LY75: variants seen among roughly 807,000 people sequenced by gnomAD.
The protein encoded by LY75 is lymphocyte antigen 75.
A neutral mutation model predicts 231.7 loss-of-function variants in LY75; 185 were observed. The ratio of observed to expected loss-of-function variants is 0.80; its 90% CI spans 0.71 to 0.90. The LOEUF (loss-of-function observed/expected upper bound fraction) is 0.90. LY75 is among the 40% of genes least tolerant of loss of function. LY75 has a pLI of 0.00. For synonymous variants in LY75, 668 were observed against 689.0 expected (o/e 0.97, Z 0.48); for missense variants, 1,947 against 2,050.2 (o/e 0.95, Z 0.97).
At chr2:159,815,298 G>A (rs1004258633) in intron 31 of LY75, 107 bp downstream of exon 31, 3 of 1,395,848 alleles carry the variant, frequency 2.1e-6, no homozygotes, top group African/African-American at 1.5e-5. Context: ...ACTGCGCCCG[G>A]CCCTTGTGAA....
At chr2:159,897,649 A>G (rs1312256831) in intron 2 of LY75, among the ~76,000 whole-genome samples, 3 of 152,210 alleles carry the variant, frequency 2.0e-5, no homozygotes, top group South Asian at 4.1e-4. Flanking sequence ...TTTAGCTTAA[A>G]TGATCTTTAA....
intron 28 of LY75, among the ~76,000 whole-genome samples, chr2:159,822,589 C>T (rs1045866250): frequency 3.9e-5 from 6 of 152,196 alleles, no homozygotes; most frequent in Admixed American, 2.6e-4. Context: ...AAGAGAGCAG[C>T]GGACCTCCCA....
At chr2:159,805,457 T>C (rs1003067867) in intron 34 of LY75, among the ~76,000 whole-genome samples, 6 of 152,220 alleles carry the variant, frequency 3.9e-5, no homozygotes, top group Non-Finnish European at 7.3e-5. Context: ...ATCCTCTTCA[T>C]TGTGATAGGA....
intron 30 of LY75, among the ~76,000 whole-genome samples, chr2:159,816,389 A>G (rs2125831217): frequency 6.6e-6 from 1 of 152,346 alleles, no homozygotes; most frequent in African/African-American, 2.4e-5. Context: ...TTAAAATCTC[A>G]GTGAAATTAT....
chr2:159,860,057 G>A (rs1247631469), intron 15 of LY75, among the ~76,000 whole-genome samples: 1 of 152,142 alleles, frequency 6.6e-6, no homozygotes, highest in Non-Finnish European at 1.5e-5. Flanking sequence ...GAAGACAATG[G>A]CTATGCTTTG....
chr2:159,810,358 G>C (rs891397611), intron 32 of LY75, among the ~76,000 whole-genome samples, 168 bp downstream of exon 32: 5 of 152,162 alleles, frequency 3.3e-5, no homozygotes, highest in African/African-American at 1.2e-4. Context: ...TATGTCATCA[G>C]ATACTTAACC....
chr2:159,881,071 G>A lies in LY75; in HGVS notation c.1404+12C>T. 6.2e-6 allele frequency: 10 copies of A among 1,610,044 alleles called. No homozygotes were observed. Among genetic ancestry groups the A allele is most frequent in the Non-Finnish European group, 7.6e-6 (9 of 1,178,736 alleles). Reference sequence around the variant, plus strand: ...CAGGAAGAATATAAAGAAACCACAGGAGGTTTCGTACCTCTCCTAAGTAGG... The same window carrying A: ...CAGGAAGAATATAAAGAAACCACAGAAGGTTTCGTACCTCTCCTAAGTAGG... On this transcript the variant is annotated intron_variant, in intron 8 of 34. Transcript: ENST00000263636.
At chr2:159,874,833 TTGTAAATATA>T (rs1320600327) in intron 12 of LY75, among the ~76,000 whole-genome samples, 38 of 63,870 alleles carry the variant, frequency 5.9e-4, no homozygotes, top group Admixed American at 1.1e-3. Context: ...TATATATATT[TTGTAAATATA>T]TGTAAATATA....
chr2:159,887,566 CAAAAAAAAAA>C (rs369452762), intron 4 of LY75, among the ~76,000 whole-genome samples: 10 of 103,828 alleles, frequency 9.6e-5, no homozygotes, highest in Admixed American at 7.8e-4. Flanking sequence ...TCAACAACAA[CAAAAAAAAAA>C]AAAAAAAAGA....
At chr2:159,892,439 C>G (rs1415234421) in intron 3 of LY75, among the ~76,000 whole-genome samples, 1 of 152,134 alleles carries the variant, frequency 6.6e-6, no homozygotes, top group African/African-American at 2.4e-5. Flanking sequence ...CCTTGTGCCT[C>G]ACTGTGATCA....
chr2:159,902,429 T>C (rs1686108328), intron 1 of LY75: 1 of 152,252 alleles, frequency 6.6e-6, no homozygotes, highest in Non-Finnish European at 1.5e-5. Context: ...TCTCTTTCAG[T>C]GTTTTCTTAT....
intron 12 of LY75, among the ~76,000 whole-genome samples, chr2:159,872,934 C>T (rs2125868142): frequency 6.6e-6 from 1 of 152,222 alleles, no homozygotes; most frequent in South Asian, 2.1e-4. Context: ...CATATAAATG[C>T]TTTGGGAGTA....
chr2:159,874,623 T>TAAAG (rs1377713337), intron 12 of LY75, among the ~76,000 whole-genome samples: 7,318 of 44,468 alleles, frequency 0.16, 1,490 homozygotes, highest in East Asian at 0.38. Flanking sequence ...TAAATATATA[T>TAAAG]ATAGTAAATA....
At chr2:159,877,676 C>T (rs745719599) in intron 11 of LY75, among the ~76,000 whole-genome samples, 19 of 151,990 alleles carry the variant, frequency 1.3e-4, no homozygotes, top group Non-Finnish European at 2.5e-4. Context: ...TCGAGACCAG[C>T]CTGGCCAACA....
At chr2:159,874,966 T>C (rs867882857) in intron 12 of LY75, among the ~76,000 whole-genome samples, 68 of 138,626 alleles carry the variant, frequency 4.9e-4, no homozygotes, top group Admixed American at 6.0e-4. Context: ...AATATATTTA[T>C]AATATATATA....
At chr2:159,850,789 T>TATATATATATATATATATATATATATA (rs796940571) in intron 21 of LY75, among the ~76,000 whole-genome samples, 1 of 88,666 alleles carries the variant, frequency 1.1e-5, no homozygotes, top group East Asian at 2.4e-4. Context: ...TATATATATA[T>TATATATATATATATATATATATATATA]ATATATATAT....
chr2:159,853,329 A>G lies in LY75; in HGVS notation c.2687T>C (p.Phe896Ser). ...GCATTCCTCTCCAAATGTCACAGGA[A>G]AGCGGTGCCATGGATATCGTGAGCT... ...FTYSRYPWHR[F>S]PVTFGEECLY... Residue 896 changes from phenylalanine (F) to serine (S), a missense_variant, in exon 20 of 35, where the codon TTT becomes TCT. Transcript: ENST00000263636. 6.2e-7 allele frequency: 1 copy of G among 1,613,648 alleles called. No homozygotes were observed. Among genetic ancestry groups the G allele is most frequent in the East Asian group, 2.2e-5 (1 of 44,840 alleles).
rs151006730 is a variant in LY75 at position 159,872,608 on chromosome 2, A to G, written c.1975-15T>C. On this transcript the variant is annotated splice_polypyrimidine_tract_variant and intron_variant, in intron 12 of 34. Coordinates refer to ENST00000263636, the MANE Select transcript of LY75 (RefSeq NM_002349.4). ...GCATGGAATACCTTAGCAAAATATA[A>G]TATTAATTTGTTTTATGGTATTATC... The G allele has an allele frequency of 1.2e-6, 2 of 1,606,356 alleles. No homozygotes were observed. The highest frequency in any genetic ancestry group is 4.5e-5 in the East Asian group (2 of 44,832).
intron 12 of LY75, among the ~76,000 whole-genome samples, 188 bp downstream of exon 12, chr2:159,875,256 G>A (rs1038659577): frequency 4.6e-5 from 7 of 151,854 alleles, no homozygotes; most frequent in East Asian, 1.9e-4. Context: ...GGTAGGACAC[G>A]TGCAGGGTGT....
Sources: gnomAD v4.1 joint callset for allele counts (sites outside exome capture counted in the v4.1 genomes callset) on GRCh38, gnomAD v4.1.1 for gene constraint, MANE v1.5 for transcripts, NCBI Gene and HGNC (gene_info 2026-07-23, HGNC 2026-07-21) for gene names.